CNOT10: variants seen among roughly 807,000 people sequenced by gnomAD.
The protein encoded by CNOT10 is CCR4-NOT transcription complex, subunit 10.
Under a neutral mutation model 94.6 loss-of-function variants are expected in CNOT10, and 30 were observed. The observed-to-expected ratio is 0.32, with a 90% CI of 0.24 to 0.43. The LOEUF (loss-of-function observed/expected upper bound fraction) is 0.43. Ranked by LOEUF, CNOT10 falls within the 20% of genes least tolerant of loss-of-function variation. CNOT10 has a pLI of 1.00. For missense variants in CNOT10, 759 were observed against 877.2 expected (o/e 0.87, Z 1.70); for synonymous variants, 289 against 301.6 (o/e 0.96, Z 0.43).
intron 1 of CNOT10, among the ~76,000 whole-genome samples, chr3:32,687,189 G>A (rs999545821): frequency 6.6e-6 from 1 of 151,802 alleles, no homozygotes; most frequent in African/African-American, 2.4e-5. Flanking sequence ...TGTGTTTCTG[G>A]CCTTTATCTT....
chr3:32,747,561 T>G (rs1479930836), intron 13 of CNOT10, among the ~76,000 whole-genome samples: 1 of 152,134 alleles, frequency 6.6e-6, no homozygotes, highest in Non-Finnish European at 1.5e-5. Flanking sequence ...TTTTTTGTCT[T>G]TTACAAAAAA....
intron 13 of CNOT10, among the ~76,000 whole-genome samples, chr3:32,751,314 C>G (rs1338422303): frequency 6.6e-6 from 1 of 152,020 alleles, no homozygotes; most frequent in Non-Finnish European, 1.5e-5. Context: ...CTGTATCGCC[C>G]AGGCTGGTCT....
chr3:32,710,925 T>C (rs1380917399), intron 4 of CNOT10, among the ~76,000 whole-genome samples: 2 of 152,158 alleles, frequency 1.3e-5, no homozygotes, highest in Non-Finnish European at 2.9e-5. Context: ...TTTCACTATG[T>C]TGCCTAGGCT....
intron 1 of CNOT10, among the ~76,000 whole-genome samples, chr3:32,686,255 A>T (rs1696596611): frequency 1.3e-5 from 2 of 152,208 alleles, no homozygotes; most frequent in African/African-American, 2.4e-5. Flanking sequence ...CCCGCAAGAA[A>T]TTCATATTCT....
chr3:32,756,875 G>A (rs1030233373), intron 13 of CNOT10, among the ~76,000 whole-genome samples: 8 of 151,898 alleles, frequency 5.3e-5, no homozygotes, highest in Non-Finnish European at 7.4e-5. Context: ...TTGGGAGGCC[G>A]AGGCGGGCAG....
At position 32,767,024 on chromosome 3, in the gene CNOT10, CCTTGCTTG is replaced by C. The variant is rs1019773887; in HGVS notation, c.2004+2216_2004+2223del. Among the ~76,000 whole-genome samples, 16 of 152,168 alleles carry C rather than the reference CCTTGCTTG, an allele frequency of 1.1e-4. No homozygotes were observed. In the South Asian group the frequency reaches 1.9e-3, roughly 18 times the overall value. ...ATAAGCAGACATACTACAATCTTGCCCTTGCTTGTAGACCTTTGCAGTTAGGAGACACC... is the reference window on the plus strand; with the variant it reads ...ATAAGCAGACATACTACAATCTTGCCTAGACCTTTGCAGTTAGGAGACACC... On this transcript the variant is annotated intron_variant, in intron 17 of 18. Coordinates refer to ENST00000328834, the MANE Select transcript of CNOT10 (RefSeq NM_015442.3).
intron 18 of CNOT10, among the ~76,000 whole-genome samples, chr3:32,770,792 C>T (rs954807463): frequency 2.0e-5 from 3 of 151,800 alleles, no homozygotes; most frequent in Admixed American, 6.6e-5. Context: ...CTGCAACCTC[C>T]GCCTCCCGGG....
intron 13 of CNOT10, among the ~76,000 whole-genome samples, chr3:32,754,960 A>T (rs575565762): frequency 6.6e-6 from 1 of 151,810 alleles, no homozygotes; most frequent in Non-Finnish European, 1.5e-5. Flanking sequence ...GAAAGAAATT[A>T]CATTAACCGG....
At chr3:32,699,778 G>A (rs960786640) in intron 1 of CNOT10, among the ~76,000 whole-genome samples, 3 of 151,968 alleles carry the variant, frequency 2.0e-5, no homozygotes, top group South Asian at 4.2e-4. Context: ...GGAGAGGGAA[G>A]AATGGAAAGG....
intron 1 of CNOT10, among the ~76,000 whole-genome samples, chr3:32,686,523 C>T (rs1004109775): frequency 1.3e-5 from 2 of 152,012 alleles, no homozygotes; most frequent in African/African-American, 2.4e-5. Context: ...GAACAAAGGC[C>T]TTGAGAGGGT....
At chr3:32,770,475 G>A (rs916636356) in intron 18 of CNOT10, among the ~76,000 whole-genome samples, 5 of 151,236 alleles carry the variant, frequency 3.3e-5, no homozygotes, top group African/African-American at 4.9e-5. Flanking sequence ...ACAGGCGCCC[G>A]CCACCACGCC....
chr3:32,724,648 G>A (rs1395050640), intron 8 of CNOT10, among the ~76,000 whole-genome samples: 3 of 152,044 alleles, frequency 2.0e-5, no homozygotes, highest in South Asian at 2.1e-4. Context: ...TCCTGACCTC[G>A]TGATCCGCCC....
rs1466914747 is a variant in CNOT10 at position 32,726,669 on chromosome 3, C to T, written c.1013-999C>T. Among the ~76,000 whole-genome samples, 3 of 148,680 alleles carry T rather than the reference C, an allele frequency of 2.0e-5. No homozygotes were observed. In the East Asian group the frequency reaches 6.0e-4, roughly 30 times the overall value. ...CGAGATCATGCCACTGCACTCCAGC[C>T]TGGGTGACAGAGCGAGACTCTGTCC... On this transcript the variant is annotated intron_variant, in intron 9 of 18. Coordinates refer to ENST00000328834, the MANE Select transcript of CNOT10 (RefSeq NM_015442.3).
Position 32,708,768 on chromosome 3 carries a change from T to C in CNOT10, c.378T>C (p.Tyr126=), listed in dbSNP as rs920274136. 1 of 1,613,406 alleles carries C rather than the reference T, an allele frequency of 6.2e-7. No individual in the cohort carries two copies. The highest frequency in any genetic ancestry group is 8.5e-7 in the Non-Finnish European group (1 of 1,179,782). Residue 126 remains tyrosine, a synonymous_variant, in exon 4 of 19, where the codon TAT becomes TAC. Coordinates refer to ENST00000328834, the MANE Select transcript of CNOT10 (RefSeq NM_015442.3). The part of the protein sequence containing the change: ...QAVILYHLRQ[Y]TEAISVGEKL... The stretch of plus-strand genomic sequence containing the variant: ...TCATTCTTTATCATCTGCGGCAGTA[T>C]ACAGAAGCCATATCAGTTGGTGAAA...
chr3:32,757,053 C>T (rs1700250580), intron 13 of CNOT10, among the ~76,000 whole-genome samples: 1 of 149,892 alleles, frequency 6.7e-6, no homozygotes, highest in South Asian at 2.1e-4. Flanking sequence ...TTGCAGTCAG[C>T]CGAGATTGCA....
intron 1 of CNOT10, chr3:32,695,635 A>G (rs1575203522): frequency 4.6e-6 from 7 of 1,535,772 alleles, no homozygotes; most frequent in Middle Eastern, 3.3e-4. Context: ...AATGAAGTCT[A>G]TTGGTGTAAA....
chr3:32,721,437 T>TC (rs1196811072), intron 8 of CNOT10, among the ~76,000 whole-genome samples: 2 of 136,472 alleles, frequency 1.5e-5, no homozygotes, highest in Non-Finnish European at 3.2e-5. Flanking sequence ...ATCTTTTTTT[T>TC]TTTTTTTTTT....
At chr3:32,741,290 A>T (rs1699449415) in intron 13 of CNOT10, among the ~76,000 whole-genome samples, 1 of 151,124 alleles carries the variant, frequency 6.6e-6, no homozygotes, top group South Asian at 2.1e-4. Flanking sequence ...CCATGGTATG[A>T]TTGTACCTCA....
intron 13 of CNOT10, among the ~76,000 whole-genome samples, chr3:32,741,683 C>T (rs1014039595): frequency 1.3e-5 from 2 of 151,174 alleles, no homozygotes; most frequent in East Asian, 2.0e-4. Context: ...GCAGGAGAAT[C>T]GTTTGAACCC....
Sources: gnomAD v4.1 joint callset for allele counts (sites outside exome capture counted in the v4.1 genomes callset) on GRCh38, gnomAD v4.1.1 for gene constraint, MANE v1.5 for transcripts, NCBI Gene and HGNC (gene_info 2026-07-23, HGNC 2026-07-21) for gene names.